The following SYNDIG1L variants were observed in gnomAD, a reference collection of about 807,000 sequenced individuals.
SYNDIG1L encodes synapse differentiation inducing 1 like, also known as synapse differentiation-inducing gene protein 1-like.
In SYNDIG1L, 13 loss-of-function variants were observed where a neutral mutation model predicts 20.1. The ratio of observed to expected loss-of-function variants is 0.65; its 90% CI spans 0.42 to 1.03. SYNDIG1L has a LOEUF of 1.03. SYNDIG1L is among the 50% of genes least tolerant of loss of function. The pLI, the probability that SYNDIG1L is intolerant of heterozygous loss-of-function variation, is 0.00. For synonymous variants in SYNDIG1L, 128 were observed against 129.3 expected, an observed-to-expected ratio of 0.99 and a Z score of 0.07; for missense variants, 294 against 305.1, an observed-to-expected ratio of 0.96 and a Z score of 0.27.
chr14:74,440,272 C>G, the SYNDIG1L span, among the ~76,000 whole-genome samples: 1 of 149,192 alleles, frequency 6.7e-6, no homozygotes, highest in African/African-American at 2.5e-5. Flanking sequence ...CCCCAGCACT[C>G]TGGGAGGCCG....
chr14:74,451,621 A>G, the SYNDIG1L span, among the ~76,000 whole-genome samples: 1 of 152,258 alleles, frequency 6.6e-6, no homozygotes, highest in South Asian at 2.1e-4. Context: ...TTTTAAAGAG[A>G]ACAAAAAGAT....
chr14:74,442,545 C>T, the SYNDIG1L span, among the ~76,000 whole-genome samples: 1 of 152,056 alleles, frequency 6.6e-6, no homozygotes, highest in Non-Finnish European at 1.5e-5. Flanking sequence ...AAGGTCTAGG[C>T]CATGTTTAGT....
the SYNDIG1L span, among the ~76,000 whole-genome samples, chr14:74,459,534 T>C: frequency 6.6e-6 from 1 of 152,166 alleles, no homozygotes; most frequent in Non-Finnish European, 1.5e-5. Context: ...TCGGGAATCA[T>C]GTGACTGAAA....
chr14:74,409,048 T>TTTTA (rs10642138), intron 2 of SYNDIG1L, among the ~76,000 whole-genome samples: 67,858 of 139,668 alleles, frequency 0.49, 16,870 homozygotes, highest in African/African-American at 0.53. Flanking sequence ...GGAACTTGCA[T>TTTTA]TTTATTTATT....
At chr14:74,419,157 G>A (rs2086201384) in intron 1 of SYNDIG1L, among the ~76,000 whole-genome samples, 1 of 152,184 alleles carries the variant, frequency 6.6e-6, no homozygotes, top group Non-Finnish European at 1.5e-5. Flanking sequence ...CACTTCCTTA[G>A]AGAGGTCATC....
At chr14:74,421,138 G>A (rs561674701) in intron 1 of SYNDIG1L, among the ~76,000 whole-genome samples, 39 of 152,138 alleles carry the variant, frequency 2.6e-4, no homozygotes, top group Non-Finnish European at 2.1e-4. Context: ...CATATCCTCA[G>A]GCAGATATAA....
In SYNDIG1L at chr14:74,406,855, A is replaced by G. The variant is rs935223488; in HGVS notation, c.*680T>C. The G allele has an allele frequency of 1.0e-4, 16 of 152,432 alleles. No individual in the cohort carries two copies. Among genetic ancestry groups the G allele is most frequent in the African/African-American group, 3.9e-4 (16 of 41,450 alleles). The allele number at this position is 152,432 out of a possible 1,614,324, so 9.4% of individuals were successfully genotyped here. On this transcript the variant is annotated 3_prime_UTR_variant, in exon 4 of 4. Transcript: ENST00000331628. ...CATTGCAACTGCCTTTTGCACCCGC[A>G]TGAAGAAGCTCCAAGAACCTGCCCT... is the stretch of plus-strand genomic sequence containing the variant.
At chr14:74,444,323 G>A in the SYNDIG1L span, among the ~76,000 whole-genome samples, 2 of 151,906 alleles carry the variant, frequency 1.3e-5, no homozygotes, top group African/African-American at 4.8e-5. Context: ...GCCTCCCAAA[G>A]TGCTGAGATT....
chr14:74,478,586 T>A, the SYNDIG1L span, among the ~76,000 whole-genome samples: 3 of 152,136 alleles, frequency 2.0e-5, no homozygotes, highest in East Asian at 1.9e-4. Flanking sequence ...TGGGTAGCTG[T>A]TAACTTCAAA....
intron 1 of SYNDIG1L, among the ~76,000 whole-genome samples, chr14:74,411,911 A>T (rs990019708): frequency 2.0e-5 from 3 of 152,184 alleles, no homozygotes; most frequent in African/African-American, 7.2e-5. Context: ...TCCCCCAGGG[A>T]GGGCACAGAT....
chr14:74,448,510 T>C, the SYNDIG1L span, among the ~76,000 whole-genome samples: 1 of 152,174 alleles, frequency 6.6e-6, no homozygotes, highest in African/African-American at 2.4e-5. Context: ...ACTGATAGAA[T>C]TGCAAGAAGA....
At chr14:74,415,490 G>GA (rs2086166922) in intron 1 of SYNDIG1L, among the ~76,000 whole-genome samples, 2 of 152,060 alleles carry the variant, frequency 1.3e-5, no homozygotes, top group South Asian at 4.1e-4. Context: ...GATAGTCACT[G>GA]AAAAAAGAGT....
At chr14:74,466,372 G>C in the SYNDIG1L span, among the ~76,000 whole-genome samples, 1 of 152,182 alleles carries the variant, frequency 6.6e-6, no homozygotes, top group Non-Finnish European at 1.5e-5. Context: ...ATAAATGGAT[G>C]CATCCATGCA....
At chr14:74,411,858 G>A (rs2086133348) in intron 1 of SYNDIG1L, among the ~76,000 whole-genome samples, 2 of 152,150 alleles carry the variant, frequency 1.3e-5, no homozygotes, top group African/African-American at 2.4e-5. Flanking sequence ...AAATAATCAT[G>A]GGGGTTACTC....
At chr14:74,439,517 C>T in the SYNDIG1L span, among the ~76,000 whole-genome samples, 16 of 152,158 alleles carry the variant, frequency 1.1e-4, no homozygotes, top group African/African-American at 3.6e-4. Flanking sequence ...TACTTTGTGG[C>T]GGGTTTTTAG....
At chr14:74,456,986 C>T in the SYNDIG1L span, among the ~76,000 whole-genome samples, 2 of 152,130 alleles carry the variant, frequency 1.3e-5, no homozygotes, top group African/African-American at 2.4e-5. Flanking sequence ...TATCAGGAGG[C>T]GTATTTAATG....
the SYNDIG1L span, among the ~76,000 whole-genome samples, chr14:74,478,738 T>G: frequency 2.0e-5 from 3 of 152,196 alleles, no homozygotes; most frequent in Non-Finnish European, 4.4e-5. Flanking sequence ...AATCTCAGAT[T>G]GAACCTTCTA....
chr14:74,475,103 TCA>T, the SYNDIG1L span, among the ~76,000 whole-genome samples: 75 of 152,162 alleles, frequency 4.9e-4, 1 homozygote, highest in Admixed American at 2.3e-3. Context: ...AGAGAGGCCA[TCA>T]GTCTTGAAAG....
At chr14:74,457,169 C>G in the SYNDIG1L span, among the ~76,000 whole-genome samples, 1 of 152,126 alleles carries the variant, frequency 6.6e-6, no homozygotes, top group South Asian at 2.1e-4. Flanking sequence ...CTCAGAAAAC[C>G]AGGTCAGGTG....
Sources: allele counts gnomAD v4.1 joint callset (sites outside exome capture counted in the v4.1 genomes callset), GRCh38; gene constraint gnomAD v4.1.1; transcripts MANE v1.5; gene names NCBI Gene and HGNC (gene_info 2026-07-23, HGNC 2026-07-21).